Variants in TNFRSF10D observed in about 807,000 individuals in gnomAD.
TNFRSF10D encodes tumor necrosis factor receptor superfamily member 10D.
Under a neutral mutation model 42.1 loss-of-function variants are expected in TNFRSF10D, and 28 were observed. The ratio of observed to expected loss-of-function variants is 0.66; its 90% CI spans 0.49 to 0.91. The LOEUF is 0.91. Among genes scored for constraint, TNFRSF10D ranks in the 40% least tolerant of loss-of-function variants. The pLI is 0.00. For synonymous variants in TNFRSF10D, 186 were observed against 189.4 expected (o/e 0.98, Z 0.15); for missense variants, 503 against 486.1 (o/e 1.03, Z -0.33).
At chr8:23,153,157 T>G (rs1308784057) in intron 2 of TNFRSF10D, among the ~76,000 whole-genome samples, 2 of 152,154 alleles carry the variant, frequency 1.3e-5, no homozygotes, top group African/African-American at 4.8e-5. Context: ...TAGAGGAAAG[T>G]AGATATTGAC....
At chr8:23,159,126 G>A (rs1323892067) in intron 1 of TNFRSF10D, among the ~76,000 whole-genome samples, 1 of 149,918 alleles carries the variant, frequency 6.7e-6, no homozygotes, top group Non-Finnish European at 1.5e-5. Flanking sequence ...TGTGGTTTTT[G>A]GTTTTATTTT....
At position 23,137,733 on chromosome 8, in the gene TNFRSF10D, C is replaced by A. The variant is rs908472069; in HGVS notation, c.*137G>T. 4.4e-5 allele frequency: 52 copies of A among 1,180,584 alleles called. No individual in the cohort carries two copies. The African/African-American group carries it at 7.3e-4, about 17-fold the overall frequency. The allele number at this position is 1,180,584 out of a possible 1,614,324, so 73.1% of individuals were successfully genotyped here. A position where few individuals can be genotyped will look rare whatever the true frequency, so the allele number is the denominator to read the frequency against. On this transcript the variant is annotated 3_prime_UTR_variant, in exon 9 of 9. Coordinates refer to ENST00000312584, the MANE Select transcript of TNFRSF10D (RefSeq NM_003840.5). Reference sequence around the variant, plus strand: ...AAGTGCGTTAACAAAGTTCTAGGACCATTGGTAAGCTGCCCCATATTGGAT... The same window carrying A: ...AAGTGCGTTAACAAAGTTCTAGGACAATTGGTAAGCTGCCCCATATTGGAT...
At chr8:23,147,933 C>T (rs909791318) in intron 3 of TNFRSF10D, among the ~76,000 whole-genome samples, 18 of 151,808 alleles carry the variant, frequency 1.2e-4, no homozygotes, top group African/African-American at 3.9e-4. Context: ...GGTGTGGTGG[C>T]GGGCACCTGT....
intron 1 of TNFRSF10D, among the ~76,000 whole-genome samples, chr8:23,156,997 T>C (rs1408613132): frequency 3.9e-5 from 6 of 152,140 alleles, no homozygotes; most frequent in African/African-American, 1.4e-4. Context: ...AAATTTCACA[T>C]ATTTTTCTTT....
At chr8:23,140,412 AC>A (rs1563354445) in intron 7 of TNFRSF10D, among the ~76,000 whole-genome samples, 6 of 132,950 alleles carry the variant, frequency 4.5e-5, no homozygotes, top group East Asian at 2.0e-4. Context: ...ACACACACAC[AC>A]ACACAATACC....
chr8:23,147,981 C>T (rs929343265), intron 3 of TNFRSF10D, among the ~76,000 whole-genome samples: 11 of 147,206 alleles, frequency 7.5e-5, no homozygotes, highest in South Asian at 4.3e-4. Flanking sequence ...AGGAGAATGG[C>T]GTGAACTCAG....
intron 7 of TNFRSF10D, 36 bp from the exon 8 acceptor site, chr8:23,138,296 C>T (rs753373238): frequency 1.4e-5 from 22 of 1,613,162 alleles, no homozygotes; most frequent in Admixed American, 1.0e-4. Context: ...TGGTCAGAGT[C>T]AGGAGTCCTG....
intron 1 of TNFRSF10D, among the ~76,000 whole-genome samples, chr8:23,156,559 CT>C (rs61279799): frequency 0.17 from 24,092 of 142,362 alleles, 2,320 homozygotes; most frequent in East Asian, 0.56. Flanking sequence ...TTTCTCAACT[CT>C]TTTTTTTTTT....
intron 1 of TNFRSF10D, among the ~76,000 whole-genome samples, chr8:23,159,359 G>C (rs937436776): frequency 1.3e-5 from 2 of 151,908 alleles, no homozygotes; most frequent in African/African-American, 4.8e-5. Context: ...GGAGATGAAA[G>C]TCCCCAGGGA....
At chr8:23,140,636 G>GA (rs1814447707) in intron 7 of TNFRSF10D, among the ~76,000 whole-genome samples, 1 of 152,168 alleles carries the variant, frequency 6.6e-6, no homozygotes, top group Admixed American at 6.5e-5. Flanking sequence ...CACAGAATTG[G>GA]AAAAAATTAT....
chr8:23,141,429 C>T (rs1477135614), intron 7 of TNFRSF10D, among the ~76,000 whole-genome samples: 3 of 151,086 alleles, frequency 2.0e-5, no homozygotes, highest in Non-Finnish European at 2.9e-5. Context: ...CACTTGAACC[C>T]GGGAGGCGGA....
At chr8:23,162,439 T>C (rs1025192137) in intron 1 of TNFRSF10D, among the ~76,000 whole-genome samples, 3 of 152,210 alleles carry the variant, frequency 2.0e-5, no homozygotes, top group Non-Finnish European at 4.4e-5. Context: ...CTGTTCTGAA[T>C]TTAGTATTAC....
At chr8:23,157,394 T>C (rs1189794414) in intron 1 of TNFRSF10D, among the ~76,000 whole-genome samples, 2 of 152,258 alleles carry the variant, frequency 1.3e-5, no homozygotes, top group African/African-American at 4.8e-5. Context: ...GAATTCCCTA[T>C]GGATACTATT....
At position 23,135,833 on chromosome 8, in the gene TNFRSF10D, TG is replaced by T; in HGVS notation, c.*2036del. The T allele has an allele frequency of 2.2e-6, 1 of 445,952 alleles. No homozygotes were observed. The highest frequency in any genetic ancestry group is 4.5e-6 in the Non-Finnish European group (1 of 222,750). The allele number at this position is 445,952 out of a possible 1,614,324, so 27.6% of individuals were successfully genotyped here. The stretch of plus-strand genomic sequence containing the variant: ...GCCTCTGAGGAAGGGACAAAGGAGC[TG>T]GGACCGGACTGGCTCTCTCTGAGCT... On this transcript the variant is annotated 3_prime_UTR_variant, in exon 9 of 9. Coordinates refer to ENST00000312584, the MANE Select transcript of TNFRSF10D (RefSeq NM_003840.5).
At chr8:23,153,587 A>G (rs139674012) in intron 2 of TNFRSF10D, among the ~76,000 whole-genome samples, 825 of 152,066 alleles carry the variant, frequency 5.4e-3, no homozygotes, top group African/African-American at 0.017. Context: ...TTCTAAAAAG[A>G]AGACATAGAA....
In TNFRSF10D at chr8:23,140,121, C is replaced by G. The variant is rs574174551; in HGVS notation, c.955-1861G>C. ...TGGCTAACACGGTGAAACCCCACCT[C>G]TACTAAAAATACAAAAAACTAACCA... On this transcript the variant is annotated intron_variant, in intron 7 of 8. Transcript: ENST00000312584. Among the ~76,000 whole-genome samples, 34 of 152,232 alleles carry G rather than the reference C, an allele frequency of 2.2e-4. No homozygotes were observed. The South Asian group carries it at 6.0e-3, about 27-fold the overall frequency.
chr8:23,158,307 C>T lies in TNFRSF10D; in HGVS notation c.151-3328G>A, dbSNP rs949734346. On this transcript the variant is annotated intron_variant, in intron 1 of 8. Coordinates refer to ENST00000312584, the MANE Select transcript of TNFRSF10D (RefSeq NM_003840.5). ...ACCCATACGGATTCGCCGCCTTCAA[C>T]GTAGGGTAACTCGGATCTCGTCCAC... 1.6e-4 allele frequency among the ~76,000 whole-genome samples: 25 copies of T among 152,174 alleles called. 1 individual carries two copies. The highest frequency in any genetic ancestry group is 1.0e-3 in the Admixed American group (16 of 15,274).
intron 1 of TNFRSF10D, among the ~76,000 whole-genome samples, chr8:23,159,462 T>C (rs116209203): frequency 9.1e-4 from 138 of 152,330 alleles, no homozygotes; most frequent in African/African-American, 3.3e-3. Flanking sequence ...CTCAGCTTTT[T>C]AGCCTCCATA....
In TNFRSF10D at chr8:23,144,993, C is replaced by T. The variant is rs199973220; in HGVS notation, c.768+65G>A. On this transcript the variant is annotated intron_variant, in intron 6 of 8. Transcript: ENST00000312584. ...ACAAGGGATTGTGCCCACCCAGGCT[C>T]GGCAGTGGATGGGAAGCAGTTCCTG... 444 of 1,608,654 alleles carry T rather than the reference C, an allele frequency of 2.8e-4. 1 individual carries two copies. Among genetic ancestry groups the T allele is most frequent in the Middle Eastern group, 1.6e-4 (1 of 6,070 alleles).
Sources: gnomAD v4.1 joint callset for allele counts (sites outside exome capture counted in the v4.1 genomes callset) on GRCh38, gnomAD v4.1.1 for gene constraint, MANE v1.5 for transcripts, NCBI Gene and HGNC (gene_info 2026-07-23, HGNC 2026-07-21) for gene names.